ADD1: variants seen among roughly 807,000 people sequenced by gnomAD.
ADD1 encodes the protein alpha-adducin.
In ADD1, 24 loss-of-function variants were observed where a neutral mutation model predicts 80.5. The observed-to-expected ratio is 0.30, with a 90% CI of 0.22 to 0.42. The LOEUF (loss-of-function observed/expected upper bound fraction) is 0.42, where lower values mean the gene tolerates loss of function less well. Among genes scored for constraint, ADD1 ranks in the 10% least tolerant of loss-of-function variants. The pLI, the probability that ADD1 is intolerant of heterozygous loss-of-function variation, is 1.00. For missense variants in ADD1, 948 were observed against 1,019.0 expected (o/e 0.93, Z 0.95); for synonymous variants, 373 against 393.8 (o/e 0.95, Z 0.63).
chr4:2,907,655 C>A, intron 10 of ADD1, 88 bp from the exon 11 acceptor site: 1 of 1,113,526 alleles, frequency 9.0e-7, no homozygotes, highest in Non-Finnish European at 1.4e-6. Context: ...CAGTGCATGA[C>A]CAGATGTGAG....
At chr4:2,909,313 T>C (rs1737599904) in intron 12 of ADD1, 26 bp from the exon 13 acceptor site, 2 of 1,534,054 alleles carry the variant, frequency 1.3e-6, no homozygotes. Flanking sequence ...CCTGGTGTGC[T>C]CTGGTGACTC....
chr4:2,920,087 T>G (rs112442232), intron 14 of ADD1, among the ~76,000 whole-genome samples: 12 of 152,364 alleles, frequency 7.9e-5, no homozygotes, highest in African/African-American at 2.9e-4. Context: ...TGCGTGAATT[T>G]TGTTATTTAC....
intron 1 of ADD1, among the ~76,000 whole-genome samples, chr4:2,863,213 T>G (rs931369626): frequency 1.6e-5 from 2 of 128,384 alleles, no homozygotes; most frequent in Non-Finnish European, 3.3e-5. Context: ...GCCCAGCTAA[T>G]TTTTAATTTT....
chr4:2,852,563 C>T (rs2108793399), intron 1 of ADD1, among the ~76,000 whole-genome samples: 1 of 151,898 alleles, frequency 6.6e-6, no homozygotes, highest in Middle Eastern at 3.4e-3. Flanking sequence ...AGCAACGTCT[C>T]CAGGGACTGA....
At chr4:2,899,637 T>G (rs1735847313) in intron 9 of ADD1, 1 of 638,186 alleles carries the variant, frequency 1.6e-6, no homozygotes, top group East Asian at 2.9e-5. Flanking sequence ...TGGTATTGTT[T>G]TATTTTTTAA....
chr4:2,854,384 A>G (rs1286449484), intron 1 of ADD1, among the ~76,000 whole-genome samples: 1 of 152,160 alleles, frequency 6.6e-6, no homozygotes, highest in African/African-American at 2.4e-5. Context: ...TGAGAAAGGG[A>G]GGTGCAAGGT....
In ADD1 at chr4:2,899,402, AT is replaced by A; in HGVS notation, c.1131del (p.Phe377LeufsTer24). 6.2e-7 allele frequency: 1 copy of A among 1,614,226 alleles called. No homozygotes were observed. The highest frequency in any genetic ancestry group is 1.1e-5 in the South Asian group (1 of 91,082). Reference sequence around the variant, plus strand: ...CCAAGTGGCAGATTGGTGAGCAGGAATTTGAAGCCCTCATGCGGATGCTCGA... The same window carrying A: ...CCAAGTGGCAGATTGGTGAGCAGGAATTGAAGCCCTCATGCGGATGCTCGA... ...PPKWQIGEQE[F>X]EALMRMLDNL... On this transcript the variant is annotated frameshift_variant, in exon 9 of 16. Transcript: ENST00000683351. LOFTEE classifies it high-confidence loss of function.
chr4:2,849,180 T>C (rs966899065), intron 1 of ADD1, among the ~76,000 whole-genome samples: 1 of 152,204 alleles, frequency 6.6e-6, no homozygotes, highest in African/African-American at 2.4e-5. Flanking sequence ...ACATGGTTAT[T>C]GTGAGGATTA....
Position 2,926,247 on chromosome 4 carries a change from TTCTC to T in ADD1, c.2047+136_2047+139del, listed in dbSNP as rs1223034640. ...GCATCAGCGCCAGGACGTGACACCT[TTCTC>T]CTCCTATATTGCTTCTGTCCTGGGT... is the stretch of plus-strand genomic sequence containing the variant. On this transcript the variant is annotated intron_variant, in intron 15 of 15. Coordinates refer to ENST00000683351, the MANE Select transcript of ADD1 (RefSeq NM_001354761.2). This position sits in a 1 kb window ranked among gnomAD's most constrained non-coding sequence, Gnocchi z 5.0. 8.8e-6 allele frequency: 7 copies of T among 798,516 alleles called. No individual in the cohort carries two copies. The highest frequency in any genetic ancestry group is 6.8e-5 in the African/African-American group (4 of 58,820). The allele number at this position is 798,516 out of a possible 1,614,324, so 49.5% of individuals were successfully genotyped here. A position where few individuals can be genotyped will look rare whatever the true frequency, so the allele number is the denominator to read the frequency against.
At chr4:2,870,019 T>A (rs1279705344) in intron 1 of ADD1, among the ~76,000 whole-genome samples, 1 of 152,262 alleles carries the variant, frequency 6.6e-6, no homozygotes, top group Non-Finnish European at 1.5e-5. Flanking sequence ...AGGCTTTCTT[T>A]AATGGCTCTC....
At chr4:2,878,547 C>T (rs1364685569) in intron 2 of ADD1, among the ~76,000 whole-genome samples, 1 of 152,040 alleles carries the variant, frequency 6.6e-6, no homozygotes, top group Non-Finnish European at 1.5e-5. Flanking sequence ...CTGATAGCAC[C>T]TAGTGTGTGC....
intron 3 of ADD1, 42 bp from the exon 4 acceptor site, chr4:2,884,466 CAGGCGTA>C (rs1438509650): frequency 6.9e-7 from 1 of 1,451,246 alleles, no homozygotes. Context: ...ACTAGGACTA[CAGGCGTA>C]TACCACTGCA....
intron 1 of ADD1, among the ~76,000 whole-genome samples, chr4:2,849,028 C>T (rs1726681247): frequency 6.6e-6 from 1 of 152,148 alleles, no homozygotes; most frequent in Non-Finnish European, 1.5e-5. Context: ...ATTGCCATGT[C>T]AAAGAGTAAT....
intron 14 of ADD1, among the ~76,000 whole-genome samples, chr4:2,918,883 C>T (rs1453953245): frequency 6.6e-6 from 1 of 151,392 alleles, no homozygotes; most frequent in Non-Finnish European, 1.5e-5. Context: ...ACGGAGTCTC[C>T]CTCTGTCACC....
intron 4 of ADD1, among the ~76,000 whole-genome samples, chr4:2,885,303 A>G (rs1383746080): frequency 6.6e-6 from 1 of 152,178 alleles, no homozygotes; most frequent in Non-Finnish European, 1.5e-5. Context: ...CCTGCTGTGG[A>G]AGTCCTCCCA....
At chr4:2,851,277 A>G (rs1444908321) in intron 1 of ADD1, among the ~76,000 whole-genome samples, 1 of 152,200 alleles carries the variant, frequency 6.6e-6, no homozygotes, top group Admixed American at 6.5e-5. Context: ...AATTCTCTGA[A>G]CTAATTTTTC....
chr4:2,922,599 G>A (rs758407671), intron 14 of ADD1, among the ~76,000 whole-genome samples: 7 of 152,236 alleles, frequency 4.6e-5, no homozygotes, highest in Admixed American at 1.3e-4. Flanking sequence ...GTGTCTCCCA[G>A]TCAGGAGGCA....
At chr4:2,914,797 C>T (rs1388322457) in intron 13 of ADD1, 87 bp from the exon 14 acceptor site, 50 of 1,492,128 alleles carry the variant, frequency 3.4e-5, no homozygotes, top group Non-Finnish European at 4.2e-5. Context: ...AGCCTCCTGC[C>T]CCCGCCCTGC....
chr4:2,852,887 G>A (rs943287475), intron 1 of ADD1, among the ~76,000 whole-genome samples: 2 of 149,400 alleles, frequency 1.3e-5, no homozygotes, highest in African/African-American at 5.0e-5. Flanking sequence ...TTTTTTTTTA[G>A]TAGAGCCAAG....
Sources: allele counts gnomAD v4.1 joint callset (sites outside exome capture counted in the v4.1 genomes callset), GRCh38; gene constraint gnomAD v4.1.1; non-coding constraint Gnocchi (gnomAD v3.1); transcripts MANE v1.5; gene names NCBI Gene and HGNC (gene_info 2026-07-23, HGNC 2026-07-21).